The following RGS5 variants were observed in gnomAD, a reference collection of about 807,000 sequenced individuals.
RGS5 encodes the protein regulator of G protein signaling 5.
Under a neutral mutation model 18.9 loss-of-function variants are expected in RGS5, and 20 were observed. The observed-to-expected ratio is 1.06, with a 90% confidence interval of 0.74 to 1.54. RGS5 has a LOEUF of 1.54. RGS5 is among the 40% of genes most tolerant of loss of function. RGS5 has a pLI of 0.00. For synonymous variants in RGS5, 57 were observed against 76.2 expected (o/e 0.75, Z 1.31); for missense variants, 201 against 211.8 (o/e 0.95, Z 0.32).
rs951741731 is a variant in RGS5 at position 163,260,072 on chromosome 1, C to T, written c.-281+46161G>A. ...AATGATAATCCATATAAATCATTTC[C>T]ATTTCCAGTGTTGTATGTAATACAG... On this transcript the variant is annotated intron_variant, in intron 2 of 5. Transcript: ENST00000618415. 9.8e-5 allele frequency: 15 copies of T among 152,298 alleles called. 1 individual carries two copies. The East Asian group carries it at 2.7e-3, about 27-fold the overall frequency. The allele number at this position is 152,298 out of a possible 1,614,324, so 9.4% of individuals were successfully genotyped here.
Position 163,143,471 on chromosome 1 carries a change from A to G in RGS5, c.*3871T>C, listed in dbSNP as rs1204064046. On this transcript the variant is annotated 3_prime_UTR_variant, in exon 5 of 5. Coordinates refer to ENST00000313961, the MANE Select transcript of RGS5 (RefSeq NM_003617.4). ...ATTTTTCTAGTCAAGGCTTTCTAGG[A>G]TGATAAAATAAAATTTTACATCTAG... 1 of 152,172 alleles carries G rather than the reference A, an allele frequency of 6.6e-6. No homozygotes were observed. 9.4% of individuals were successfully genotyped at this position (152,172 alleles called of 1,614,324 possible).
At chr1:163,301,425 T>A (rs1014973092) in intron 2 of RGS5, among the ~76,000 whole-genome samples, 1 of 152,258 alleles carries the variant, frequency 6.6e-6, no homozygotes, top group Non-Finnish European at 1.5e-5. Flanking sequence ...CCAGGCCTCT[T>A]GGGTTCAAGT....
intron 3 of RGS5, among the ~76,000 whole-genome samples, chr1:163,160,249 C>G (rs1306685044): frequency 3.3e-5 from 5 of 152,130 alleles, no homozygotes; most frequent in African/African-American, 1.2e-4. Flanking sequence ...TCTGCTAACT[C>G]TCAGGTTTTT....
chr1:163,176,008 C>T (rs926926688), intron 1 of RGS5, among the ~76,000 whole-genome samples: 2 of 152,172 alleles, frequency 1.3e-5, no homozygotes, highest in African/African-American at 4.8e-5. Context: ...TGATTAATTA[C>T]ATAATAAGCC....
intron 1 of RGS5, among the ~76,000 whole-genome samples, chr1:163,189,677 A>G (rs1039661916): frequency 1.3e-5 from 2 of 152,192 alleles, no homozygotes; most frequent in African/African-American, 4.8e-5. Context: ...ATGACCTGCA[A>G]TTGCTTGGAG....
chr1:163,234,597 A>G (rs1647571987), intron 2 of RGS5, among the ~76,000 whole-genome samples: 1 of 152,182 alleles, frequency 6.6e-6, no homozygotes. Context: ...TTATTCCTCC[A>G]TAAAGATCAT....
intron 2 of RGS5, among the ~76,000 whole-genome samples, chr1:163,285,873 A>G (rs1649130410): frequency 6.6e-6 from 1 of 151,912 alleles, no homozygotes; most frequent in African/African-American, 2.4e-5. Context: ...CCTCCCCAGA[A>G]GCAGAATCCT....
chr1:163,203,384 C>T (rs1287917367), upstream of RGS5, among the ~76,000 whole-genome samples: 2 of 152,162 alleles, frequency 1.3e-5, no homozygotes, highest in Non-Finnish European at 2.9e-5. Flanking sequence ...GTGCCAGGCA[C>T]TCAGCTGGAT....
At chr1:163,283,126 G>C (rs1347784368) in intron 2 of RGS5, among the ~76,000 whole-genome samples, 1 of 152,080 alleles carries the variant, frequency 6.6e-6, no homozygotes, top group Non-Finnish European at 1.5e-5. Flanking sequence ...ATTAGATCCT[G>C]GGAAGGAAAA....
intron 1 of RGS5, among the ~76,000 whole-genome samples, chr1:163,175,888 T>C (rs1658532554): frequency 6.6e-6 from 1 of 152,106 alleles, no homozygotes; most frequent in African/African-American, 2.4e-5. Context: ...AAGGAATATA[T>C]AGTAGTAGTA....
intron 1 of RGS5, among the ~76,000 whole-genome samples, chr1:163,189,361 C>A (rs750769836): frequency 2.0e-5 from 3 of 152,080 alleles, no homozygotes; most frequent in Non-Finnish European, 2.9e-5. Context: ...CTCTTCCCAA[C>A]AAGGTAAAAA....
chr1:163,154,066 T>C (rs951693765), intron 3 of RGS5, among the ~76,000 whole-genome samples: 3 of 152,174 alleles, frequency 2.0e-5, no homozygotes, highest in Non-Finnish European at 4.4e-5. Context: ...TCCAGTTTTC[T>C]CTAATTTGCC....
intron 3 of RGS5, 104 bp from the exon 4 acceptor site, chr1:163,152,820 C>G (rs1267012410): frequency 9.3e-7 from 1 of 1,076,552 alleles, no homozygotes; most frequent in Non-Finnish European, 1.3e-6. Context: ...CTTCTATGCA[C>G]AAAGTTTTAG....
rs553740993 is a variant in RGS5 at position 163,147,545 on chromosome 1, T to C, written c.385-42A>G. 25 of 1,467,710 alleles carry C rather than the reference T, an allele frequency of 1.7e-5. No individual in the cohort carries two copies. The South Asian group carries it at 2.2e-4, about 13-fold the overall frequency. The allele number at this position is 1,467,710 out of a possible 1,614,324, so 90.9% of individuals were successfully genotyped here. A position where few individuals can be genotyped will look rare whatever the true frequency, so the allele number is the denominator to read the frequency against. On this transcript the variant is annotated intron_variant, in intron 4 of 4. Coordinates refer to ENST00000313961, the MANE Select transcript of RGS5 (RefSeq NM_003617.4). ...AGGGTCACTACATAAGCCTAAGTTATAGAATTTGATGAGGGGTGAAGAGGG... is the reference window on the plus strand; with the variant it reads ...AGGGTCACTACATAAGCCTAAGTTACAGAATTTGATGAGGGGTGAAGAGGG...
intron 1 of RGS5, among the ~76,000 whole-genome samples, chr1:163,187,863 G>A (rs529743799): frequency 1.5e-4 from 23 of 152,286 alleles, no homozygotes; most frequent in Admixed American, 7.2e-4. Flanking sequence ...CAGAAGTTCC[G>A]GAGGTGCAAA....
chr1:163,217,335 G>T lies in RGS5; in HGVS notation c.69+191C>A, dbSNP rs187958333. 2.8e-3 allele frequency among the ~76,000 whole-genome samples: 424 copies of T among 152,152 alleles called. 6 individuals are homozygous for T. Among genetic ancestry groups the T allele is most frequent in the Middle Eastern group, 0.014 (4 of 294 alleles). ...TTTACTCTGGGTTTTTTGCATGAAG[G>T]AACACTGATTGTTGAAGAACGGTCC... is the stretch of plus-strand genomic sequence containing the variant. On this transcript the variant is annotated intron_variant, in intron 1 of 5. Transcript: ENST00000367903.
intron 2 of RGS5, among the ~76,000 whole-genome samples, chr1:163,285,223 T>C (rs934714554): frequency 6.6e-6 from 1 of 152,118 alleles, no homozygotes; most frequent in Non-Finnish European, 1.5e-5. Flanking sequence ...CTGTATTAAC[T>C]TTTCCTTTGA....
chr1:163,220,675 T>C (rs1348602709), upstream of RGS5, among the ~76,000 whole-genome samples: 1 of 152,180 alleles, frequency 6.6e-6, no homozygotes. Context: ...AAAGAACCTG[T>C]AAACATGTCA....
chr1:163,174,741 A>C (rs1380040767), intron 1 of RGS5, among the ~76,000 whole-genome samples: 1 of 152,212 alleles, frequency 6.6e-6, no homozygotes, highest in Non-Finnish European at 1.5e-5. Flanking sequence ...ATAATTTTTC[A>C]GGATTTAAAA....
Sources: allele counts gnomAD v4.1 joint callset (sites outside exome capture counted in the v4.1 genomes callset), GRCh38; gene constraint gnomAD v4.1.1; transcripts MANE v1.5; gene names NCBI Gene and HGNC (gene_info 2026-07-23, HGNC 2026-07-21).